PCDHGA12: variants seen among roughly 807,000 people sequenced by gnomAD.
The protein encoded by PCDHGA12 is protocadherin gamma-A12.
A neutral mutation model predicts 61.1 loss-of-function variants in PCDHGA12; 43 were observed. The observed-to-expected ratio is 0.70, with a 90% CI of 0.55 to 0.91. The LOEUF (loss-of-function observed/expected upper bound fraction) is 0.91. Among genes scored for constraint, PCDHGA12 ranks in the 40% least tolerant of loss-of-function variants. PCDHGA12 has a pLI of 0.00. For synonymous variants in PCDHGA12, 520 were observed against 542.9 expected (o/e 0.96, Z 0.59); for missense variants, 1,236 against 1,227.7 (o/e 1.01, Z -0.10).
At position 141,485,675 on chromosome 5, in the gene PCDHGA12, A is replaced by C. The variant is rs1562106929; in HGVS notation, c.2425-9132A>C. 6.2e-7 allele frequency: 1 copy of C among 1,613,068 alleles called. No homozygotes were observed. The highest frequency in any genetic ancestry group is 8.5e-7 in the Non-Finnish European group (1 of 1,179,150). On this transcript the variant is annotated intron_variant, in intron 1 of 3. Coordinates refer to ENST00000252085, the MANE Select transcript of PCDHGA12 (RefSeq NM_003735.3). The surrounding 1 kb of genome is among the most constrained non-coding windows in gnomAD (Gnocchi z 5.7). ...TGCAGATGTGGGGAGCAATTCGATT[A>C]GCAGCTATAGGCTGAGCTCCAATGA...
chr5:141,474,819 G>A (rs1180279468), intron 1 of PCDHGA12, among the ~76,000 whole-genome samples: 1 of 152,190 alleles, frequency 6.6e-6, no homozygotes, highest in Non-Finnish European at 1.5e-5. Flanking sequence ...CATTAATTGA[G>A]GCTTACTCTG....
chr5:141,481,897 G>A (rs916673176), intron 1 of PCDHGA12, among the ~76,000 whole-genome samples: 3 of 128,712 alleles, frequency 2.3e-5, no homozygotes, highest in South Asian at 5.0e-4. Context: ...CTGGGTGAAA[G>A]AGCGAAACTC....
At chr5:141,444,288 C>T (rs2098430665) in intron 1 of PCDHGA12, among the ~76,000 whole-genome samples, 1 of 150,100 alleles carries the variant, frequency 6.7e-6, no homozygotes, top group South Asian at 2.1e-4. Flanking sequence ...TCTCCTGCCT[C>T]AGCCTCCCTA....
chr5:141,471,591 A>T (rs925105880), intron 1 of PCDHGA12: 1 of 152,294 alleles, frequency 6.6e-6, no homozygotes, highest in South Asian at 2.1e-4. Context: ...AGTAATTGAT[A>T]GTTTCAAAAT....
At chr5:141,433,320 T>A in intron 1 of PCDHGA12, 137 bp downstream of exon 1, 1 of 792,046 alleles carries the variant, frequency 1.3e-6, no homozygotes, top group Non-Finnish European at 2.0e-6. Flanking sequence ...TTGCCTCCGG[T>A]GTAACAGGGA....
chr5:141,453,214 A>T (rs1174586625), intron 1 of PCDHGA12, among the ~76,000 whole-genome samples: 2 of 152,058 alleles, frequency 1.3e-5, no homozygotes, highest in African/African-American at 4.8e-5. Flanking sequence ...CGTGCACTTA[A>T]GCGATCCTCC....
chr5:141,509,979 T>C (rs908103989), intron 3 of PCDHGA12, among the ~76,000 whole-genome samples: 4 of 152,204 alleles, frequency 2.6e-5, no homozygotes, highest in African/African-American at 7.2e-5. Context: ...CTTCTAACAC[T>C]TGGTTCCCTC....
rs148119281 is a variant in PCDHGA12, at chr5:141,511,006, C to T, written c.2632C>T (p.Arg878Cys). The T allele has an allele frequency of 3.5e-5, 56 of 1,614,078 alleles. No individual in the cohort carries two copies. Among genetic ancestry groups the T allele is most frequent in the African/African-American group, 5.3e-5 (4 of 74,922 alleles). The change falls in exon 4 of 4, where the codon CGC (arginine) becomes TGC (cysteine). Residue 878 changes from arginine to cysteine, a missense_variant. By Grantham distance (180) the Arg-to-Cys change is radical. Transcript: ENST00000252085. Reference protein sequence around the residue: ...GGAGTMGLSARYGPQFTLQHV... With the variant: ...GGAGTMGLSACYGPQFTLQHV... ...TGCCGGCACCATGGGATTGAGCGCC[C>T]GCTACGGACCCCAGTTCACCCTGCA...
intron 1 of PCDHGA12, chr5:141,441,653 G>T: frequency 4.1e-6 from 1 of 243,884 alleles, no homozygotes; most frequent in Non-Finnish European, 8.2e-6. Context: ...GATTCTAGGT[G>T]TCCTTGAGCG....
chr5:141,442,981 C>T (rs2098357132), intron 1 of PCDHGA12, among the ~76,000 whole-genome samples: 1 of 152,142 alleles, frequency 6.6e-6, no homozygotes, highest in African/African-American at 2.4e-5. Flanking sequence ...ATAAAGTTAG[C>T]CTATAATTTC....
At position 141,486,478 on chromosome 5, in the gene PCDHGA12, C is replaced by T; in HGVS notation, c.2425-8329C>T. The T allele has an allele frequency of 2.5e-6, 4 of 1,614,026 alleles. No homozygotes were observed. The highest frequency in any genetic ancestry group is 3.4e-6 in the Non-Finnish European group (4 of 1,179,854). On this transcript the variant is annotated intron_variant, in intron 1 of 3. Transcript: ENST00000252085. The surrounding 1 kb of genome is among the most constrained non-coding windows in gnomAD (Gnocchi z 5.0). ...CTTCTGATGCTGGGAACCCTCCTCT[C>T]AGTACCCACAGAACTATTTTCCTCA...
chr5:141,474,019 A>G (rs923131322), intron 1 of PCDHGA12, among the ~76,000 whole-genome samples: 4 of 152,134 alleles, frequency 2.6e-5, no homozygotes, highest in Non-Finnish European at 4.4e-5. Flanking sequence ...ACAGTGAGCT[A>G]TGATTATTCC....
chr5:141,466,099 G>A (rs879849411), intron 1 of PCDHGA12, among the ~76,000 whole-genome samples: 2 of 151,938 alleles, frequency 1.3e-5, no homozygotes, highest in Non-Finnish European at 2.9e-5. Context: ...TCCAGCCTGG[G>A]CAACAGAGTG....
chr5:141,466,223 T>C (rs1313406487), intron 1 of PCDHGA12, among the ~76,000 whole-genome samples: 1 of 152,096 alleles, frequency 6.6e-6, no homozygotes, highest in African/African-American at 2.4e-5. Context: ...CAGGCTGGAG[T>C]GCAGTGGCAC....
chr5:141,506,180 G>T (rs548366782), intron 3 of PCDHGA12, among the ~76,000 whole-genome samples: 44 of 152,294 alleles, frequency 2.9e-4, no homozygotes, highest in Non-Finnish European at 5.7e-4. Context: ...GCTGGGCGTG[G>T]TGGCTCACGC....
intron 1 of PCDHGA12, among the ~76,000 whole-genome samples, chr5:141,492,964 C>CT (rs2099745347): frequency 6.6e-6 from 1 of 152,354 alleles, no homozygotes; most frequent in Non-Finnish European, 1.5e-5. Context: ...ATCTGACACT[C>CT]TAACAAGTCC....
rs771681529 is a variant in PCDHGA12 at position 141,486,617 on chromosome 5, C to T, written c.2425-8190C>T. The T allele has an allele frequency of 1.2e-6, 2 of 1,613,602 alleles. No individual in the cohort carries two copies. Among genetic ancestry groups the T allele is most frequent in the Non-Finnish European group, 1.7e-6 (2 of 1,180,036 alleles). On this transcript the variant is annotated intron_variant, in intron 1 of 3. Coordinates refer to ENST00000252085, the MANE Select transcript of PCDHGA12 (RefSeq NM_003735.3). The surrounding 1 kb of genome is among the most constrained non-coding windows in gnomAD (Gnocchi z 5.0). ...GCTTTGCTCCCTTGCAGCCTCTGAC[C>T]CAGACTCTGGCTTGAATGCGCTTAT...
intron 1 of PCDHGA12, among the ~76,000 whole-genome samples, chr5:141,448,040 C>T (rs892207188): frequency 6.6e-6 from 1 of 151,850 alleles, no homozygotes; most frequent in Admixed American, 6.6e-5. Context: ...GAGCCAAGAT[C>T]ATGCCATTGC....
rs774983500 is a variant in PCDHGA12 at position 141,490,973 on chromosome 5, G to T, written c.2425-3834G>T. ...GACTGGGAACACTCAGCCCCCCAGC[G>T]TCTCCCTCGCTCTGCTCCTCCTGGC... On this transcript the variant is annotated intron_variant, in intron 1 of 3. Transcript: ENST00000252085. The surrounding 1 kb of genome is among the most constrained non-coding windows in gnomAD (Gnocchi z 5.4). 1 of 1,613,932 alleles carries T rather than the reference G, an allele frequency of 6.2e-7. No individual in the cohort carries two copies. The highest frequency in any genetic ancestry group is 1.3e-5 in the African/African-American group (1 of 75,040).
Sources: gnomAD v4.1 joint callset for allele counts (sites outside exome capture counted in the v4.1 genomes callset) on GRCh38, gnomAD v4.1.1 for gene constraint, Gnocchi (gnomAD v3.1) non-coding constraint, MANE v1.5 for transcripts, NCBI Gene and HGNC (gene_info 2026-07-23, HGNC 2026-07-21) for gene names.